ZCCHC2: variants seen among roughly 807,000 people sequenced by gnomAD.
ZCCHC2 encodes zinc finger CCHC domain-containing protein 2.
Under a neutral mutation model 103.6 loss-of-function variants are expected in ZCCHC2, and 39 were observed. The observed-to-expected ratio is 0.38, with a 90% CI of 0.29 to 0.49. ZCCHC2 has a LOEUF of 0.49. ZCCHC2 is among the 20% of genes least tolerant of loss of function. ZCCHC2 has a pLI of 0.96. For missense variants in ZCCHC2, 1,483 were observed against 1,491.0 expected (o/e 0.99, Z 0.09); for synonymous variants, 687 against 608.9 (o/e 1.13, Z -1.89).
Position 62,575,416 on chromosome 18 carries a change from C to T in ZCCHC2, c.3335C>T (p.Pro1112Leu), listed in dbSNP as rs1916800273. ...TTTGGGAGATTCTATCCTGTATATC[C>T]AGCACCTAACGTAGTTGCCAACACC... ...AGFGRFYPVY[P>L]APNVVANTSG... The change falls in exon 13 of 14, where the codon CCA (proline) becomes CTA (leucine). Residue 1112 changes from proline to leucine, a missense_variant. By Grantham distance (98) the Pro-to-Leu change is moderately conservative. Transcript: ENST00000269499. The T allele has an allele frequency of 1.1e-5, 18 of 1,613,984 alleles. No individual in the cohort carries two copies. Among genetic ancestry groups the T allele is most frequent in the Non-Finnish European group, 1.4e-5 (17 of 1,179,880 alleles).
rs1271165820 is a variant in ZCCHC2, at chr18:62,523,046, G to C, written c.-379G>C. 4.6e-5 allele frequency: 7 copies of C among 152,278 alleles called. No homozygotes were observed. Among genetic ancestry groups the C allele is most frequent in the African/African-American group, 1.7e-4 (7 of 41,450 alleles). 9.4% of individuals were successfully genotyped at this position (152,278 alleles called of 1,614,324 possible). ...CTCCACCTCCTCACCCAGCCGCTCC[G>C]TCCTCACCGGCTCGCGAGGGAACAG... On this transcript the variant is annotated 5_prime_UTR_variant, in exon 1 of 14. Coordinates refer to ENST00000269499, the MANE Select transcript of ZCCHC2 (RefSeq NM_017742.6).
intron 5 of ZCCHC2, chr18:62,552,449 A>G (rs900320853): frequency 6.6e-6 from 1 of 152,186 alleles, no homozygotes; most frequent in African/African-American, 2.4e-5. Flanking sequence ...ATACTCACTG[A>G]TGTCTTCCCA....
At chr18:62,528,719 TAA>T (rs1914549437) in intron 1 of ZCCHC2, among the ~76,000 whole-genome samples, 2 of 152,352 alleles carry the variant, frequency 1.3e-5, no homozygotes, top group South Asian at 2.1e-4. Flanking sequence ...AGAAAACTTT[TAA>T]AAGAGTTTTA....
chr18:62,523,415 C>G lies in ZCCHC2; in HGVS notation c.-10C>G. 2 of 1,072,164 alleles carry G rather than the reference C, an allele frequency of 1.9e-6. No individual in the cohort carries two copies. Among genetic ancestry groups the G allele is most frequent in the Non-Finnish European group, 2.3e-6 (2 of 881,054 alleles). The allele number at this position is 1,072,164 out of a possible 1,614,324, so 66.4% of individuals were successfully genotyped here. On this transcript the variant is annotated 5_prime_UTR_variant, in exon 1 of 14. Coordinates refer to ENST00000269499, the MANE Select transcript of ZCCHC2 (RefSeq NM_017742.6). ...CCCCCGCTCGCATGTCTGCGCCGCC[C>G]TAGCCGAGGATGCTGAGGATGAAGC...
intron 1 of ZCCHC2, among the ~76,000 whole-genome samples, chr18:62,534,200 A>G (rs539254828): frequency 6.6e-6 from 1 of 151,860 alleles, no homozygotes; most frequent in East Asian, 1.9e-4. Context: ...AGTCCTAGCT[A>G]CTCAAGAGAC....
chr18:62,570,286 G>A, intron 12 of ZCCHC2, 55 bp downstream of exon 12: 1 of 1,576,228 alleles, frequency 6.3e-7, no homozygotes, highest in Non-Finnish European at 8.6e-7. Context: ...GGAAGTGGAG[G>A]GAAATGTGTG....
At position 62,574,539 on chromosome 18, in the gene ZCCHC2, C is replaced by T; in HGVS notation, c.2458C>T (p.Pro820Ser). The stretch of plus-strand genomic sequence containing the variant: ...AGTTCAGAGGCTAAAGTTGCCACCA[C>T]CACAGGGATCTTCTGAGAGCTGCAC... Reference protein sequence around the residue: ...LTVQRLKLPPPQGSSESCTVN... With the variant: ...LTVQRLKLPPSQGSSESCTVN... Residue 820 changes from proline (P) to serine (S), a missense_variant, in exon 13 of 14, where the codon CCA becomes TCA. By Grantham distance (74) the Pro-to-Ser change is moderately conservative. Transcript: ENST00000269499. The T allele has an allele frequency of 1.9e-6, 3 of 1,614,014 alleles. No individual in the cohort carries two copies. The African/African-American group carries it at 4.0e-5, about 22-fold the overall frequency.
At chr18:62,560,525 A>G in intron 7 of ZCCHC2, 62 bp from the exon 8 acceptor site, 1 of 1,352,694 alleles carries the variant, frequency 7.4e-7, no homozygotes, top group Admixed American at 1.7e-5. Flanking sequence ...AACTAGTAGC[A>G]TCCTACTGTT....
At chr18:62,559,916 G>A (rs757688175) in intron 7 of ZCCHC2, among the ~76,000 whole-genome samples, 17 of 152,126 alleles carry the variant, frequency 1.1e-4, no homozygotes, top group Non-Finnish European at 2.2e-4. Flanking sequence ...TATTTGCATA[G>A]CATTTACATT....
At chr18:62,537,869 G>A (rs1914996452) in intron 1 of ZCCHC2, among the ~76,000 whole-genome samples, 1 of 152,152 alleles carries the variant, frequency 6.6e-6, no homozygotes, top group Admixed American at 6.5e-5. Context: ...TTCAACAGTA[G>A]CTATACTATT....
In ZCCHC2 at chr18:62,567,944, C is replaced by CAAAA. The variant is rs71888422; in HGVS notation, c.1847-2147_1847-2144dup. ...GGGGCGACAGAATGAGACTCTGTCT[C>CAAAA]AAAAAAAAAAAAAAAGAATGCTCAT... On this transcript the variant is annotated intron_variant, in intron 11 of 13. Transcript: ENST00000269499. 1.3e-3 allele frequency among the ~76,000 whole-genome samples: 106 copies of CAAAA among 81,390 alleles called. 3 individuals carry two copies. The highest frequency in any genetic ancestry group is 1.7e-3 in the Non-Finnish European group (83 of 48,116). The allele number at this position is 81,390 out of a possible 152,430, so 53.4% of individuals were successfully genotyped here.
chr18:62,576,503 C>T lies in ZCCHC2; in HGVS notation c.3470-9C>T. 1.2e-6 allele frequency: 2 copies of T among 1,612,706 alleles called. No individual in the cohort carries two copies. Among genetic ancestry groups the T allele is most frequent in the Non-Finnish European group, 1.7e-6 (2 of 1,178,974 alleles). On this transcript the variant is annotated splice_polypyrimidine_tract_variant and intron_variant, in intron 13 of 13. Transcript: ENST00000269499. Reference sequence around the variant, plus strand: ...AAGCGGTGACTTAGTTCTGTCTTTCCCATTTTAGGCACTTACAGACTGAGA... The same window carrying T: ...AAGCGGTGACTTAGTTCTGTCTTTCTCATTTTAGGCACTTACAGACTGAGA...
chr18:62,524,232 C>T lies in ZCCHC2; in HGVS notation c.808C>T (p.Pro270Ser). The change falls in exon 1 of 14, where the codon CCG (proline) becomes TCG (serine). Residue 270 changes from proline to serine, a missense_variant. Physicochemically the swap from Pro to Ser is moderately conservative, Grantham distance 74. This residue lies in a region of ZCCHC2 where 568 missense variants were observed against 525.1 expected (regional missense o/e 1.08). Coordinates refer to ENST00000269499, the MANE Select transcript of ZCCHC2 (RefSeq NM_017742.6). ...LLLFTMASLHPAFSFHQRVTL... is the reference protein window; with the variant it reads ...LLLFTMASLHSAFSFHQRVTL... Reference sequence around the variant, plus strand: ...GCTCTTCACCATGGCCTCGCTGCACCCGGCTTTCTCCTTCCACCAGCGGGT... The same window carrying T: ...GCTCTTCACCATGGCCTCGCTGCACTCGGCTTTCTCCTTCCACCAGCGGGT... 1 of 1,550,076 alleles carries T rather than the reference C, an allele frequency of 6.5e-7. No individual in the cohort carries two copies. Among genetic ancestry groups the T allele is most frequent in the Non-Finnish European group, 8.7e-7 (1 of 1,146,672 alleles).
Position 62,523,674 on chromosome 18 carries a change from G to C in ZCCHC2, c.250G>C (p.Gly84Arg), listed in dbSNP as rs1371585096. The C allele has an allele frequency of 1.3e-5, 18 of 1,365,350 alleles. No individual in the cohort carries two copies. Among genetic ancestry groups the C allele is most frequent in the Admixed American group, 6.6e-5 (2 of 30,216 alleles). The allele number at this position is 1,365,350 out of a possible 1,614,324, so 84.6% of individuals were successfully genotyped here. Residue 84 changes from glycine (G) to arginine (R), a missense_variant, in exon 1 of 14, where the codon GGC becomes CGC. Physicochemically the swap from Gly to Arg is moderately radical, Grantham distance 125. Transcript: ENST00000269499. ...GGCGGCGGGGGCGGGTATGCCGGGCGGCGGCGGGGGGCCCTCGGCGGCGCT... is the reference window on the plus strand; with the variant it reads ...GGCGGCGGGGGCGGGTATGCCGGGCCGCGGCGGGGGGCCCTCGGCGGCGCT... The part of the protein sequence containing the change: ...GAAAGAGMPG[G>R]GGGPSAALRE...
chr18:62,543,066 T>G (rs982386271), intron 3 of ZCCHC2, among the ~76,000 whole-genome samples: 5 of 152,194 alleles, frequency 3.3e-5, no homozygotes, highest in African/African-American at 7.2e-5. Flanking sequence ...TTTGCATGTC[T>G]TCTTCTTGCC....
intron 14 of ZCCHC2, among the ~76,000 whole-genome samples, chr18:62,583,687 C>T (rs1917093262): frequency 6.6e-6 from 1 of 152,086 alleles, no homozygotes; most frequent in South Asian, 2.1e-4. Flanking sequence ...CCACCCAACC[C>T]CACCCCACCA....
At chr18:62,556,127 C>A in intron 5 of ZCCHC2, 76 bp from the exon 6 acceptor site, 1 of 1,194,644 alleles carries the variant, frequency 8.4e-7, no homozygotes. Flanking sequence ...CTTCATTCTG[C>A]TTTATAATTG....
Position 62,535,496 on chromosome 18 carries a change from A to G in ZCCHC2, c.940-4185A>G, listed in dbSNP as rs145766059. 4.1e-3 allele frequency among the ~76,000 whole-genome samples: 620 copies of G among 152,242 alleles called. 2 individuals carry two copies. Among genetic ancestry groups the G allele is most frequent in the African/African-American group, 0.014 (575 of 41,538 alleles). ...GTTTTGTGGGTGAGGGATTTAGACAAATAACTATAGTGAAGAGTTTGTCTC... is the reference window on the plus strand; with the variant it reads ...GTTTTGTGGGTGAGGGATTTAGACAGATAACTATAGTGAAGAGTTTGTCTC... On this transcript the variant is annotated intron_variant, in intron 1 of 13. Transcript: ENST00000269499.
intron 1 of ZCCHC2, among the ~76,000 whole-genome samples, chr18:62,538,260 CAAA>C (rs35609138): frequency 1.6e-5 from 2 of 122,628 alleles, no homozygotes; most frequent in Non-Finnish European, 1.7e-5. Context: ...GACCCTGTCT[CAAA>C]AAAAAAAAAA....
Sources: gnomAD v4.1 joint callset for allele counts (sites outside exome capture counted in the v4.1 genomes callset) on GRCh38, gnomAD v4.1.1 for gene constraint, gnomAD v4.1.1 regional missense constraint, MANE v1.5 for transcripts, NCBI Gene and HGNC (gene_info 2026-07-23, HGNC 2026-07-21) for gene names.